CCSER1: variants seen among roughly 807,000 people sequenced by gnomAD.
CCSER1 encodes the protein serine-rich coiled-coil domain-containing protein 1.
Under a neutral mutation model 82.0 loss-of-function variants are expected in CCSER1, and 41 were observed. The ratio of observed to expected loss-of-function variants is 0.50; its 90% CI spans 0.39 to 0.65. The LOEUF is 0.65. Among genes scored for constraint, CCSER1 ranks in the 30% least tolerant of loss-of-function variants. The probability of loss-of-function intolerance (pLI) is 0.00; values close to 1 mark genes in which losing one functional copy is unlikely to be tolerated. For synonymous variants in CCSER1, 414 were observed against 383.9 expected (o/e 1.08, Z -0.92); for missense variants, 1,119 against 1,064.2 (o/e 1.05, Z -0.72).
chr4:91,581,250 A>G (rs1763713844), intron 10 of CCSER1, among the ~76,000 whole-genome samples: 1 of 151,762 alleles, frequency 6.6e-6, no homozygotes. Flanking sequence ...CACCAGCGAT[A>G]TTAGATAAGC....
intron 3 of CCSER1, among the ~76,000 whole-genome samples, chr4:90,383,915 T>G (rs1388921042): frequency 6.6e-6 from 1 of 151,578 alleles, no homozygotes; most frequent in South Asian, 2.1e-4. Context: ...TATTTTAAAT[T>G]TTTTATTTAT....
chr4:90,345,237 T>C (rs1159947843), intron 3 of CCSER1, among the ~76,000 whole-genome samples: 1 of 152,094 alleles, frequency 6.6e-6, no homozygotes, highest in Non-Finnish European at 1.5e-5. Context: ...ATTGAAGTCA[T>C]TGATTGCCAT....
At chr4:91,588,592 T>C (rs1025278358) in intron 10 of CCSER1, among the ~76,000 whole-genome samples, 12 of 151,810 alleles carry the variant, frequency 7.9e-5, no homozygotes, top group Non-Finnish European at 1.5e-4. Context: ...CTATTCTGTA[T>C]GTTTATATTT....
chr4:91,228,462 G>C (rs144321343), intron 10 of CCSER1, among the ~76,000 whole-genome samples: 2,306 of 151,716 alleles, frequency 0.015, 27 homozygotes, highest in Non-Finnish European at 0.021. Flanking sequence ...AATGAGATTA[G>C]TTACATATAT....
intron 1 of CCSER1, among the ~76,000 whole-genome samples, chr4:90,192,072 G>A (rs1017935202): frequency 6.6e-6 from 1 of 152,036 alleles, no homozygotes; most frequent in African/African-American, 2.4e-5. Context: ...AGACATACCT[G>A]AGGCTGGGCA....
chr4:90,425,974 T>C (rs534294107), intron 4 of CCSER1, among the ~76,000 whole-genome samples: 1 of 152,212 alleles, frequency 6.6e-6, no homozygotes, highest in South Asian at 2.1e-4. Flanking sequence ...CATAGCAGTT[T>C]TGGTGGTAAG....
At position 91,054,220 on chromosome 4, in the gene CCSER1, C is replaced by T. The variant is rs73834750; in HGVS notation, c.2173-31730C>T. On this transcript the variant is annotated intron_variant, in intron 9 of 10. Coordinates refer to ENST00000509176, the MANE Select transcript of CCSER1 (RefSeq NM_001145065.2). ...TGTCCGCAATCACAGCTTCACATAA[C>T]GTGGGTGAGGTGAGGGAGCACCCTA... Among the ~76,000 whole-genome samples, 702 of 152,238 alleles carry T rather than the reference C, an allele frequency of 4.6e-3. 6 individuals are homozygous for T. The highest frequency in any genetic ancestry group is 0.016 in the African/African-American group (661 of 41,554).
intron 10 of CCSER1, among the ~76,000 whole-genome samples, chr4:91,150,814 T>C (rs1730103195): frequency 6.6e-6 from 1 of 152,228 alleles, no homozygotes; most frequent in Non-Finnish European, 1.5e-5. Context: ...ATCTCAGAGA[T>C]GAAGCCCACT....
In CCSER1 at chr4:90,811,356, A is replaced by G. The variant is rs570460779; in HGVS notation, c.2011-4406A>G. Among the ~76,000 whole-genome samples, 9 of 152,332 alleles carry G rather than the reference A, an allele frequency of 5.9e-5. No individual in the cohort carries two copies. In the South Asian group the frequency reaches 1.9e-3, roughly 32 times the overall value. On this transcript the variant is annotated intron_variant, in intron 7 of 10. Coordinates refer to ENST00000509176, the MANE Select transcript of CCSER1 (RefSeq NM_001145065.2). ...AAGCAAGTAACAGTTAATGAAGGGTACAATACACTATGCTGAAGAGTTTTG... is the reference window on the plus strand; with the variant it reads ...AAGCAAGTAACAGTTAATGAAGGGTGCAATACACTATGCTGAAGAGTTTTG...
At chr4:90,475,572 G>A (rs1413356363) in intron 5 of CCSER1, among the ~76,000 whole-genome samples, 1 of 152,196 alleles carries the variant, frequency 6.6e-6, no homozygotes, top group African/African-American at 2.4e-5. Context: ...ACAAGGGACA[G>A]ATGTGGATTC....
intron 5 of CCSER1, among the ~76,000 whole-genome samples, chr4:90,608,085 T>C (rs1227211646): frequency 1.3e-5 from 2 of 152,216 alleles, no homozygotes; most frequent in African/African-American, 2.4e-5. Flanking sequence ...AAAGCTGATA[T>C]GTTATTTAGG....
At chr4:90,418,695 C>T (rs1366722784) in intron 4 of CCSER1, among the ~76,000 whole-genome samples, 1 of 151,976 alleles carries the variant, frequency 6.6e-6, no homozygotes, top group Non-Finnish European at 1.5e-5. Context: ...ATGTTAAAAT[C>T]ACATGTTCAC....
intron 7 of CCSER1, among the ~76,000 whole-genome samples, chr4:90,739,285 G>A (rs1190083320): frequency 1.3e-5 from 2 of 152,204 alleles, no homozygotes; most frequent in African/African-American, 2.4e-5. Context: ...CTGAAAGGGG[G>A]GCCTCAGGTC....
intron 3 of CCSER1, among the ~76,000 whole-genome samples, chr4:90,380,337 T>C (rs536263996): frequency 6.6e-6 from 1 of 152,274 alleles, no homozygotes; most frequent in East Asian, 1.9e-4. Context: ...ATTAAATAAA[T>C]CTTCAGGTTC....
At chr4:90,155,143 G>A (rs1727812588) in intron 1 of CCSER1, among the ~76,000 whole-genome samples, 1 of 152,100 alleles carries the variant, frequency 6.6e-6, no homozygotes, top group African/African-American at 2.4e-5. Flanking sequence ...ATAATCATGT[G>A]GTTTTTGTCT....
At chr4:91,407,707 AG>A (rs1189015114) in intron 10 of CCSER1, among the ~76,000 whole-genome samples, 1 of 152,126 alleles carries the variant, frequency 6.6e-6, no homozygotes, top group Non-Finnish European at 1.5e-5. Flanking sequence ...TGGTGAGAGA[AG>A]GGACAAGAGA....
chr4:90,764,507 A>T (rs1441493933), intron 7 of CCSER1, among the ~76,000 whole-genome samples: 1 of 152,140 alleles, frequency 6.6e-6, no homozygotes, highest in African/African-American at 2.4e-5. Context: ...ATTGTCACCC[A>T]ATAATGGTGG....
chr4:90,721,394 G>T (rs1279945949), intron 6 of CCSER1, among the ~76,000 whole-genome samples: 1 of 151,744 alleles, frequency 6.6e-6, no homozygotes, highest in African/African-American at 2.4e-5. Context: ...GAATTAAGGA[G>T]ATTTATTCTG....
rs1233938806 is a variant in CCSER1, at chr4:90,932,972, A to AAG, written c.2172+9527_2172+9528dup. Among the ~76,000 whole-genome samples, 20 of 40,080 alleles carry AAG rather than the reference A, an allele frequency of 5.0e-4. 4 individuals are homozygous for AAG. The East Asian group carries it at 5.7e-3, about 12-fold the overall frequency. The allele number at this position is 40,080 out of a possible 152,430, so 26.3% of individuals were successfully genotyped here. On this transcript the variant is annotated intron_variant, in intron 9 of 10. Transcript: ENST00000509176. The stretch of plus-strand genomic sequence containing the variant: ...AAAGAAAGAAAGAAAGAAAGAAAGA[A>AAG]AGAAAGAAAGAGAAAGAAAGAAAGA...
Sources: allele counts gnomAD v4.1 joint callset (sites outside exome capture counted in the v4.1 genomes callset), GRCh38; gene constraint gnomAD v4.1.1; transcripts MANE v1.5; gene names NCBI Gene and HGNC (gene_info 2026-07-23, HGNC 2026-07-21).